The following CTDSPL2 variants were observed in gnomAD, a reference collection of about 807,000 sequenced individuals.
The protein encoded by CTDSPL2 is CTD small phosphatase like 2, also known as CTD small phosphatase-like protein 2.
In CTDSPL2, 5 loss-of-function variants were observed where a neutral mutation model predicts 60.0. The ratio of observed to expected loss-of-function variants is 0.08; its 90% CI spans 0.04 to 0.18. CTDSPL2 has a LOEUF of 0.18. Among genes scored for constraint, CTDSPL2 ranks in the 10% least tolerant of loss-of-function variants. CTDSPL2 has a pLI of 1.00. For synonymous variants in CTDSPL2, 186 were observed against 189.3 expected, an observed-to-expected ratio of 0.98 and a Z score of 0.14; for missense variants, 370 against 548.8, an observed-to-expected ratio of 0.67 and a Z score of 3.26.
At chr15:44,431,446 A>G (rs991024311) in intron 1 of CTDSPL2, among the ~76,000 whole-genome samples, 4 of 152,238 alleles carry the variant, frequency 2.6e-5, no homozygotes, top group South Asian at 2.1e-4. Flanking sequence ...GACGTGCATT[A>G]CAAATAGGTA....
chr15:44,458,321 G>C (rs375832033), intron 1 of CTDSPL2, among the ~76,000 whole-genome samples: 1 of 152,192 alleles, frequency 6.6e-6, no homozygotes, highest in Non-Finnish European at 1.5e-5. Context: ...TGTTGGGACA[G>C]TTTTGCCAGC....
rs2081853416 is a variant in CTDSPL2 at position 44,525,193 on chromosome 15, T to C, written c.*1019T>C. 5.2e-6 allele frequency: 2 copies of C among 386,500 alleles called. No individual in the cohort carries two copies. The highest frequency in any genetic ancestry group is 3.7e-5 in the East Asian group (1 of 27,304). 23.9% of individuals were successfully genotyped at this position (386,500 alleles called of 1,614,324 possible). A position where few individuals can be genotyped will look rare whatever the true frequency, so the allele number is the denominator to read the frequency against. On this transcript the variant is annotated 3_prime_UTR_variant, in exon 13 of 13. Transcript: ENST00000260327. The stretch of plus-strand genomic sequence containing the variant: ...TTAGTTATTTTGCATGGGCTGGTAG[T>C]ACCTCTGTTATGCTCTCAGTTACAA...
chr15:44,445,465 C>T (rs1054453166), intron 1 of CTDSPL2, among the ~76,000 whole-genome samples: 1 of 152,062 alleles, frequency 6.6e-6, no homozygotes, highest in Non-Finnish European at 1.5e-5. Flanking sequence ...GCTGGCATTA[C>T]AGGTGTGAGC....
In CTDSPL2 at chr15:44,528,758, TAAGC is replaced by T. The variant is rs2081905861; in HGVS notation, c.*4587_*4590del. 1 of 152,126 alleles carries T rather than the reference TAAGC, an allele frequency of 6.6e-6. No individual in the cohort carries two copies. Among genetic ancestry groups the T allele is most frequent in the Admixed American group, 6.6e-5 (1 of 15,262 alleles). 9.4% of individuals were successfully genotyped at this position (152,126 alleles called of 1,614,324 possible). A position where few individuals can be genotyped will look rare whatever the true frequency, so the allele number is the denominator to read the frequency against. ...TTTATTTTATAAATCTTTGTAGAAA[TAAGC>T]AATGAAATACTACTTTCATCTTTTG... On this transcript the variant is annotated 3_prime_UTR_variant, in exon 13 of 13. Transcript: ENST00000260327.
At chr15:44,514,060 T>G (rs2081610955) in intron 8 of CTDSPL2, among the ~76,000 whole-genome samples, 1 of 152,216 alleles carries the variant, frequency 6.6e-6, no homozygotes, top group South Asian at 2.1e-4. Context: ...ATAGGAAGAT[T>G]GATTTCTGAA....
intron 1 of CTDSPL2, among the ~76,000 whole-genome samples, chr15:44,432,867 C>T (rs2141254603): frequency 6.6e-6 from 1 of 152,148 alleles, no homozygotes; most frequent in South Asian, 2.1e-4. Context: ...GATGATCCAC[C>T]TGCCTCGGTC....
chr15:44,490,983 T>C lies in CTDSPL2; in HGVS notation c.675T>C (p.Asp225=). The stretch of plus-strand genomic sequence containing the variant: ...AAGCAGAAGAAACAGTTAATCGTGA[T>C]ATCCCACCCCTTACAGGTGAAGAAA... ...LEEAEETVNR[D]IPPLTAPVTP... The change falls in exon 5 of 13, where the codon GAT becomes GAC. Residue 225 remains aspartate (D), a synonymous_variant. Coordinates refer to ENST00000260327, the MANE Select transcript of CTDSPL2 (RefSeq NM_016396.3). 3.7e-6 allele frequency: 6 copies of C among 1,613,964 alleles called. No homozygotes were observed. Among genetic ancestry groups the C allele is most frequent in the Non-Finnish European group, 5.1e-6 (6 of 1,179,864 alleles).
chr15:44,465,171 T>C (rs1326602805), intron 2 of CTDSPL2, among the ~76,000 whole-genome samples: 1 of 152,210 alleles, frequency 6.6e-6, no homozygotes, highest in Non-Finnish European at 1.5e-5. Context: ...AGACTTCAGA[T>C]TTATGAAATT....
intron 1 of CTDSPL2, among the ~76,000 whole-genome samples, chr15:44,433,953 CAA>C (rs201817237): frequency 1.9e-5 from 2 of 103,688 alleles, no homozygotes. Context: ...ACTCTCGTCT[CAA>C]AAAAAAAAAA....
At chr15:44,509,087 C>G (rs1436670136) in intron 8 of CTDSPL2, among the ~76,000 whole-genome samples, 1 of 152,054 alleles carries the variant, frequency 6.6e-6, no homozygotes, top group Non-Finnish European at 1.5e-5. Flanking sequence ...AAGTATATAA[C>G]TTGAAATTAT....
In CTDSPL2 at chr15:44,518,085, A is replaced by C. The variant is rs77549107; in HGVS notation, c.1113-1084A>C. On this transcript the variant is annotated intron_variant, in intron 10 of 12. Coordinates refer to ENST00000260327, the MANE Select transcript of CTDSPL2 (RefSeq NM_016396.3). ...AGTTTTTATTTGTGTGTGTATATGT[A>C]GATTTTTATTTATTCTTGGTAGCAC... Among the ~76,000 whole-genome samples, 27 of 152,280 alleles carry C rather than the reference A, an allele frequency of 1.8e-4. No homozygotes were observed. In the East Asian group the frequency reaches 4.8e-3, roughly 27 times the overall value.
chr15:44,502,811 T>G (rs1937216174), intron 8 of CTDSPL2, among the ~76,000 whole-genome samples: 1 of 152,196 alleles, frequency 6.6e-6, no homozygotes, highest in African/African-American at 2.4e-5. Flanking sequence ...TTGTGGGCCT[T>G]TAAAGTTTTT....
chr15:44,465,214 C>T (rs2080661275), intron 2 of CTDSPL2, among the ~76,000 whole-genome samples: 1 of 152,126 alleles, frequency 6.6e-6, no homozygotes, highest in African/African-American at 2.4e-5. Context: ...TGTTCGTGTG[C>T]AGCCTTTCTG....
At chr15:44,498,858 G>A (rs1425296187) in intron 7 of CTDSPL2, among the ~76,000 whole-genome samples, 1 of 151,958 alleles carries the variant, frequency 6.6e-6, no homozygotes, top group Non-Finnish European at 1.5e-5. Flanking sequence ...TAGATCATCT[G>A]GTGCTGAGTA....
At chr15:44,465,817 G>A (rs1235946375) in intron 2 of CTDSPL2, among the ~76,000 whole-genome samples, 3 of 149,296 alleles carry the variant, frequency 2.0e-5, no homozygotes, top group Admixed American at 6.8e-5. Flanking sequence ...GGTTTTAAGC[G>A]ATTCTCCTGC....
intron 8 of CTDSPL2, among the ~76,000 whole-genome samples, chr15:44,514,090 C>T (rs943148552): frequency 6.6e-6 from 1 of 152,070 alleles, no homozygotes; most frequent in East Asian, 1.9e-4. Flanking sequence ...TTATTTAAAC[C>T]CATCAATCCA....
chr15:44,525,537 G>T lies in CTDSPL2; in HGVS notation c.*1363G>T. ...TTTTGTGTAAAGGATGTCAAAGAAC[G>T]GCACTTTTTCTAAAGAGAAGTTTGA... On this transcript the variant is annotated 3_prime_UTR_variant, in exon 13 of 13. Coordinates refer to ENST00000260327, the MANE Select transcript of CTDSPL2 (RefSeq NM_016396.3). 1 of 398,642 alleles carries T rather than the reference G, an allele frequency of 2.5e-6. No individual in the cohort carries two copies. Among genetic ancestry groups the T allele is most frequent in the South Asian group, 1.3e-4 (1 of 7,842 alleles). The allele number at this position is 398,642 out of a possible 1,614,324, so 24.7% of individuals were successfully genotyped here. A position where few individuals can be genotyped will look rare whatever the true frequency, so the allele number is the denominator to read the frequency against.
chr15:44,431,365 C>T (rs1330637710), intron 1 of CTDSPL2, among the ~76,000 whole-genome samples: 1 of 152,220 alleles, frequency 6.6e-6, no homozygotes, highest in African/African-American at 2.4e-5. Flanking sequence ...ATATCTAAGC[C>T]AGACATATAT....
intron 2 of CTDSPL2, among the ~76,000 whole-genome samples, chr15:44,477,232 T>C (rs1302565032): frequency 6.6e-6 from 1 of 151,000 alleles, no homozygotes; most frequent in Non-Finnish European, 1.5e-5. Flanking sequence ...CTGTCTTTAA[T>C]AAAAAGGGGA....
Sources: gnomAD v4.1 joint callset for allele counts (sites outside exome capture counted in the v4.1 genomes callset) on GRCh38, gnomAD v4.1.1 for gene constraint, MANE v1.5 for transcripts, NCBI Gene and HGNC (gene_info 2026-07-23, HGNC 2026-07-21) for gene names.